Variants in FREM2 observed in about 807,000 individuals in gnomAD.
FREM2 encodes FRAS1 related extracellular matrix 2, also known as FRAS1-related extracellular matrix protein 2.
A neutral mutation model predicts 219.9 loss-of-function variants in FREM2; 119 were observed. The ratio of observed to expected loss-of-function variants is 0.54; its 90% CI spans 0.47 to 0.63. The LOEUF is 0.63. Ranked by LOEUF, FREM2 falls within the 30% of genes least tolerant of loss-of-function variation. The probability of loss-of-function intolerance (pLI) is 0.00; values close to 1 mark genes in which losing one functional copy is unlikely to be tolerated. For synonymous variants in FREM2, 1,562 were observed against 1,522.8 expected (o/e 1.03, Z -0.60); for missense variants, 4,030 against 3,993.6 (o/e 1.01, Z -0.25).
At chr13:38,875,641 C>T (rs1878315058) in intron 18 of FREM2, among the ~76,000 whole-genome samples, 1 of 152,212 alleles carries the variant, frequency 6.6e-6, no homozygotes, top group South Asian at 2.1e-4. Context: ...TTAAGTTCAG[C>T]TCGTAACTTC....
intron 2 of FREM2, among the ~76,000 whole-genome samples, chr13:38,719,655 G>A (rs1871147384): frequency 6.6e-6 from 1 of 152,142 alleles, no homozygotes; most frequent in Admixed American, 6.5e-5. Context: ...AAGTTGATTA[G>A]CAAACTTAAT....
chr13:38,861,427 C>G lies in FREM2; in HGVS notation c.7520-4C>G. On this transcript the variant is annotated splice_region_variant and splice_polypyrimidine_tract_variant and intron_variant, in intron 14 of 23. Transcript: ENST00000280481. ...GCATAAATATGGTCTTTTTTTTTTT[C>G]AAGGTCTTTGTCAGCCCCGTGTACC... The G allele has an allele frequency of 4.1e-6, 6 of 1,457,706 alleles. No homozygotes were observed. Among genetic ancestry groups the G allele is most frequent in the Non-Finnish European group, 5.7e-6 (6 of 1,060,584 alleles). The allele number at this position is 1,457,706 out of a possible 1,614,324, so 90.3% of individuals were successfully genotyped here. A position where few individuals can be genotyped will look rare whatever the true frequency, so the allele number is the denominator to read the frequency against.
chr13:38,712,792 C>T (rs1870834511), intron 2 of FREM2, among the ~76,000 whole-genome samples: 1 of 151,876 alleles, frequency 6.6e-6, no homozygotes, highest in Non-Finnish European at 1.5e-5. Context: ...GGTACTAGTG[C>T]CAAAATTAGC....
At chr13:38,878,458 A>C in intron 22 of FREM2, 137 bp downstream of exon 22, 1 of 466,196 alleles carries the variant, frequency 2.1e-6, no homozygotes, top group South Asian at 2.2e-5. Context: ...TAGAAGGATC[A>C]CTTGAAGCCA....
intron 2 of FREM2, among the ~76,000 whole-genome samples, chr13:38,737,481 T>G (rs1872045437): frequency 6.6e-6 from 1 of 152,190 alleles, no homozygotes; most frequent in African/African-American, 2.4e-5. Flanking sequence ...ACTGGAAAAC[T>G]TTGTTTTGAT....
chr13:38,767,327 T>C (rs913305989), intron 3 of FREM2, among the ~76,000 whole-genome samples: 9 of 152,238 alleles, frequency 5.9e-5, no homozygotes, highest in Non-Finnish European at 8.8e-5. Context: ...TAGGTGTTTT[T>C]AGCAGCAACA....
chr13:38,790,737 AT>A (rs1173039447), intron 6 of FREM2, among the ~76,000 whole-genome samples: 1 of 152,210 alleles, frequency 6.6e-6, no homozygotes, highest in Non-Finnish European at 1.5e-5. Context: ...TTACTTTTGC[AT>A]CAATCTAATA....
intron 2 of FREM2, among the ~76,000 whole-genome samples, chr13:38,733,444 C>T (rs776571558): frequency 8.6e-5 from 13 of 151,978 alleles, no homozygotes; most frequent in Admixed American, 2.0e-4. Flanking sequence ...GAGATGATAC[C>T]TCCCCTTACT....
intron 6 of FREM2, among the ~76,000 whole-genome samples, chr13:38,844,816 C>T (rs1236772559): frequency 6.6e-6 from 1 of 152,172 alleles, no homozygotes; most frequent in Non-Finnish European, 1.5e-5. Context: ...GTTACGGAAG[C>T]CTTTTAAAAG....
At chr13:38,729,771 C>G (rs972996605) in intron 2 of FREM2, among the ~76,000 whole-genome samples, 1 of 152,134 alleles carries the variant, frequency 6.6e-6, no homozygotes, top group Admixed American at 6.5e-5. Context: ...TAAATATGTC[C>G]TTTTCTAAGG....
chr13:38,792,914 C>T (rs1217906066), intron 6 of FREM2, among the ~76,000 whole-genome samples: 1 of 152,004 alleles, frequency 6.6e-6, no homozygotes, highest in Non-Finnish European at 1.5e-5. Flanking sequence ...TACAGTGGTG[C>T]CCTCCATTTG....
chr13:38,850,374 A>G, intron 9 of FREM2, 139 bp downstream of exon 9: 1 of 742,832 alleles, frequency 1.3e-6, no homozygotes, highest in African/African-American at 1.7e-5. Context: ...GAGGAAAGTG[A>G]AATCGATTTT....
intron 6 of FREM2, among the ~76,000 whole-genome samples, chr13:38,789,030 G>T (rs1028999593): frequency 1.1e-4 from 17 of 152,004 alleles, no homozygotes; most frequent in Admixed American, 1.1e-3. Context: ...TTTATAAATT[G>T]CTGGATTAAA....
At chr13:38,815,399 C>G (rs903265892) in intron 6 of FREM2, among the ~76,000 whole-genome samples, 1 of 152,014 alleles carries the variant, frequency 6.6e-6, no homozygotes, top group Non-Finnish European at 1.5e-5. Context: ...TAAAAAAATT[C>G]AGAAGATCAA....
chr13:38,721,736 T>C (rs1026878514), intron 2 of FREM2, among the ~76,000 whole-genome samples: 7 of 152,216 alleles, frequency 4.6e-5, no homozygotes, highest in African/African-American at 1.7e-4. Flanking sequence ...AAATTTCTTT[T>C]TGGTAAGTCA....
chr13:38,874,116 A>T (rs1878261191), intron 17 of FREM2, among the ~76,000 whole-genome samples: 1 of 152,208 alleles, frequency 6.6e-6, no homozygotes, highest in African/African-American at 2.4e-5. Flanking sequence ...ATAATTCTGG[A>T]TAACTCAAAC....
At chr13:38,702,114 A>G (rs1452799809) in intron 2 of FREM2, among the ~76,000 whole-genome samples, 1 of 152,114 alleles carries the variant, frequency 6.6e-6, no homozygotes, top group East Asian at 1.9e-4. Flanking sequence ...GTTCTATCCT[A>G]GCATTAATTT....
In FREM2 at chr13:38,704,946, C is replaced by T. The variant is rs114251095; in HGVS notation, c.5263+7159C>T. Among the ~76,000 whole-genome samples, 133 of 152,202 alleles carry T rather than the reference C, an allele frequency of 8.7e-4. 1 individual carries two copies. Among genetic ancestry groups the T allele is most frequent in the African/African-American group, 2.9e-3 (120 of 41,542 alleles). ...TATCATGAGAACCGCATGGGGGAAC[C>T]GCCACCATGATCCAATCACCTCTCA... On this transcript the variant is annotated intron_variant, in intron 2 of 23. Coordinates refer to ENST00000280481, the MANE Select transcript of FREM2 (RefSeq NM_207361.6).
intron 2 of FREM2, among the ~76,000 whole-genome samples, chr13:38,748,971 T>C (rs112136830): frequency 0.011 from 1,719 of 152,202 alleles, 37 homozygotes; most frequent in African/African-American, 0.04. Context: ...GAACATGTAG[T>C]ATTTCTCTTT....
Sources: allele counts gnomAD v4.1 joint callset (sites outside exome capture counted in the v4.1 genomes callset), GRCh38; gene constraint gnomAD v4.1.1; transcripts MANE v1.5; gene names NCBI Gene and HGNC (gene_info 2026-07-23, HGNC 2026-07-21).